SHANK2: variants seen among roughly 807,000 people sequenced by gnomAD.
SHANK2 encodes the protein SH3 and multiple ankyrin repeat domains protein 2.
SHANK2 carries 43 observed loss-of-function variants against 133.7 expected under a neutral mutation model. That is an observed-to-expected ratio of 0.32 (90% CI 0.25 to 0.41). The LOEUF (loss-of-function observed/expected upper bound fraction) is 0.41, where lower values mean the gene tolerates loss of function less well. Among genes scored for constraint, SHANK2 ranks in the 10% least tolerant of loss-of-function variants. The pLI, the probability that SHANK2 is intolerant of heterozygous loss-of-function variation, is 1.00. For synonymous variants in SHANK2, 1,017 were observed against 952.8 expected (o/e 1.07, Z -1.24); for missense variants, 1,994 against 2,235.8 (o/e 0.89, Z 2.18).
chr11:70,940,622 T>G (rs1328233087), intron 10 of SHANK2, among the ~76,000 whole-genome samples: 1 of 151,732 alleles, frequency 6.6e-6, no homozygotes, highest in Non-Finnish European at 1.5e-5. Flanking sequence ...CTCTGATAAT[T>G]CCCCCCAGAA....
At chr11:70,900,596 C>A (rs903796258) in intron 10 of SHANK2, among the ~76,000 whole-genome samples, 9 of 152,146 alleles carry the variant, frequency 5.9e-5, no homozygotes, top group Middle Eastern at 6.8e-3. Flanking sequence ...AAGAAAAGCC[C>A]TAGGAGCTTA....
chr11:70,694,090 G>A (rs1057189277), intron 15 of SHANK2, among the ~76,000 whole-genome samples: 36 of 152,222 alleles, frequency 2.4e-4, no homozygotes, highest in African/African-American at 8.7e-4. Context: ...TGAGGCTGGG[G>A]ATTTGGTTAA....
At chr11:70,876,601 A>ACACACACACACG (rs1302238159) in intron 11 of SHANK2, among the ~76,000 whole-genome samples, 14 of 150,304 alleles carry the variant, frequency 9.3e-5, no homozygotes, top group Non-Finnish European at 8.8e-5. Context: ...ACACACACAC[A>ACACACACACACG]CACACACACG....
chr11:70,789,459 G>A (rs1947740583), intron 14 of SHANK2, among the ~76,000 whole-genome samples: 1 of 152,256 alleles, frequency 6.6e-6, no homozygotes, highest in South Asian at 2.1e-4. Context: ...GGAAGGCACG[G>A]CTAATCCCAT....
At chr11:70,782,273 T>C (rs1555045337) in intron 14 of SHANK2, among the ~76,000 whole-genome samples, 1 of 152,220 alleles carries the variant, frequency 6.6e-6, no homozygotes, top group African/African-American at 2.4e-5. Flanking sequence ...GCCAGGCTGG[T>C]CTTAAATTCC....
In SHANK2 at chr11:70,485,701, G is replaced by T; in HGVS notation, c.4592C>A (p.Thr1531Lys). 6.2e-7 allele frequency: 1 copy of T among 1,614,100 alleles called. No individual in the cohort carries two copies. Among genetic ancestry groups the T allele is most frequent in the South Asian group, 1.1e-5 (1 of 91,086 alleles). ...SEGGENVDTC[T>K]VYADGQAFMV... ...AAATGCTTGCCCATCTGCATAGACT[G>T]TGCAGGTGTCCACATTCTCTCCACC... Residue 1531 changes from threonine to lysine, a missense_variant, in exon 25 of 26, where the codon ACA becomes AAA. Thr to Lys is a moderately conservative substitution (Grantham distance 78). Transcript: ENST00000601538. The surrounding 1 kb of genome is among the most constrained non-coding windows in gnomAD (Gnocchi z 5.8).
At chr11:71,235,305 T>C (rs1013065186) in intron 1 of SHANK2, among the ~76,000 whole-genome samples, 1 of 152,036 alleles carries the variant, frequency 6.6e-6, no homozygotes, top group Admixed American at 6.5e-5. Context: ...ATAAAAACTC[T>C]TGCACAGGAC....
chr11:70,613,406 T>C (rs980108670), intron 17 of SHANK2, among the ~76,000 whole-genome samples: 2 of 152,106 alleles, frequency 1.3e-5, no homozygotes, highest in African/African-American at 4.8e-5. Flanking sequence ...GGTTTCACCG[T>C]GTTAGCTAGG....
chr11:70,929,597 C>T (rs960609548), intron 10 of SHANK2, among the ~76,000 whole-genome samples: 5 of 152,250 alleles, frequency 3.3e-5, no homozygotes, highest in South Asian at 2.1e-4. Context: ...AATCTCTCTC[C>T]GACCTCCGTG....
intron 14 of SHANK2, among the ~76,000 whole-genome samples, chr11:70,719,010 TA>T (rs1946016150): frequency 6.6e-6 from 1 of 152,164 alleles, no homozygotes; most frequent in African/African-American, 2.4e-5. Flanking sequence ...TACAATGAAT[TA>T]AAGAAGGGTG....
intron 1 of SHANK2, among the ~76,000 whole-genome samples, chr11:71,226,052 G>GTA (rs373251686): frequency 0.011 from 1,707 of 152,288 alleles, 32 homozygotes; most frequent in African/African-American, 0.039. Context: ...GACCCAGGAG[G>GTA]TAGAGGTTGC....
At chr11:70,758,055 G>T (rs1282192450) in intron 14 of SHANK2, among the ~76,000 whole-genome samples, 2 of 152,174 alleles carry the variant, frequency 1.3e-5, no homozygotes, top group Non-Finnish European at 2.9e-5. Context: ...TAAACACGGG[G>T]CTTGCAACTT....
intron 14 of SHANK2, among the ~76,000 whole-genome samples, chr11:70,761,543 T>C (rs1229487567): frequency 6.6e-6 from 1 of 152,240 alleles, no homozygotes; most frequent in Non-Finnish European, 1.5e-5. Flanking sequence ...CGCACCTCTA[T>C]GGGTCCTCTG....
At chr11:71,115,104 T>C (rs1951954203) in intron 4 of SHANK2, among the ~76,000 whole-genome samples, 1 of 152,162 alleles carries the variant, frequency 6.6e-6, no homozygotes, top group Non-Finnish European at 1.5e-5. Flanking sequence ...CCGCCCCTAA[T>C]GTGTCAATCC....
chr11:70,620,499 G>C (rs1554997289), intron 17 of SHANK2, among the ~76,000 whole-genome samples: 6 of 152,166 alleles, frequency 3.9e-5, no homozygotes. Context: ...TGTGGGCCTG[G>C]AGGCTGCCTG....
intron 14 of SHANK2, among the ~76,000 whole-genome samples, chr11:70,714,159 G>A (rs1555026754): frequency 6.6e-6 from 1 of 152,200 alleles, no homozygotes; most frequent in African/African-American, 2.4e-5. Context: ...AGAGCCTGAA[G>A]CTTTTCAGCC....
At chr11:70,803,872 G>A (rs1948106369) in intron 13 of SHANK2, among the ~76,000 whole-genome samples, 1 of 151,934 alleles carries the variant, frequency 6.6e-6, no homozygotes, top group Admixed American at 6.6e-5. Flanking sequence ...CTATTTTTGG[G>A]CACCCCTTAT....
intron 17 of SHANK2, among the ~76,000 whole-genome samples, chr11:70,597,456 G>C (rs139931490): frequency 6.6e-6 from 1 of 152,098 alleles, no homozygotes; most frequent in African/African-American, 2.4e-5. Flanking sequence ...AGCTGGCGGC[G>C]GTAAGATAAG....
intron 1 of SHANK2, among the ~76,000 whole-genome samples, chr11:71,234,881 T>C (rs1954805687): frequency 6.6e-6 from 1 of 151,986 alleles, no homozygotes; most frequent in Non-Finnish European, 1.5e-5. Flanking sequence ...GAAACATGTA[T>C]ACAAATGTTC....
Sources: allele counts gnomAD v4.1 joint callset (sites outside exome capture counted in the v4.1 genomes callset), GRCh38; gene constraint gnomAD v4.1.1; non-coding constraint Gnocchi (gnomAD v3.1); transcripts MANE v1.5; gene names NCBI Gene and HGNC (gene_info 2026-07-23, HGNC 2026-07-21).